Variants in SLC8A1 observed in about 807,000 individuals in gnomAD.
SLC8A1 encodes sodium/calcium exchanger 1.
SLC8A1 carries 18 observed loss-of-function variants against 68.3 expected under a neutral mutation model. The observed-to-expected ratio is 0.26, with a 90% confidence interval of 0.18 to 0.39. The LOEUF (loss-of-function observed/expected upper bound fraction) is 0.39, where lower values mean the gene tolerates loss of function less well. Among genes scored for constraint, SLC8A1 ranks in the 10% least tolerant of loss-of-function variants. The pLI is 1.00. For synonymous variants in SLC8A1, 475 were observed against 415.5 expected (o/e 1.14, Z -1.74); for missense variants, 985 against 1,156.7 (o/e 0.85, Z 2.15).
intron 7 of SLC8A1, among the ~76,000 whole-genome samples, chr2:40,127,638 G>T (rs2038420516): frequency 6.6e-6 from 1 of 152,144 alleles, no homozygotes; most frequent in Admixed American, 6.6e-5. Flanking sequence ...ATTTTAGTCT[G>T]GAGCTACAGC....
exon 8 of SLC8A1, chr2:40,107,683 A>G (rs1361473973): frequency 1.3e-5 from 2 of 152,190 alleles, no homozygotes; most frequent in African/African-American, 4.8e-5. Context: ...ATGCCTCTCC[A>G]ACTCTTTCTC....
chr2:40,381,502 G>A (rs148435500), intron 2 of SLC8A1, among the ~76,000 whole-genome samples: 29 of 151,518 alleles, frequency 1.9e-4, no homozygotes, highest in Non-Finnish European at 2.7e-4. Context: ...TCTTCACTTC[G>A]TCAAAATTTT....
chr2:40,242,039 AAAAT>A (rs1355931731), intron 2 of SLC8A1, among the ~76,000 whole-genome samples: 3 of 152,172 alleles, frequency 2.0e-5, no homozygotes, highest in Admixed American at 6.5e-5. Flanking sequence ...AGATCTCCAG[AAAAT>A]AAATATTGAT....
chr2:40,250,748 G>A lies in SLC8A1; in HGVS notation c.1809-72893C>T, dbSNP rs913029213. On this transcript the variant is annotated intron_variant, in intron 2 of 7. Transcript: ENST00000406785. ...CCATGAGTTATGTTAAATGTGCCTT[G>A]TGTTCCACTGGTTTAGAATTTGGGG... Among the ~76,000 whole-genome samples, 14 of 152,132 alleles carry A rather than the reference G, an allele frequency of 9.2e-5. 1 individual carries two copies. Among genetic ancestry groups the A allele is most frequent in the African/African-American group, 2.4e-5 (1 of 41,428 alleles).
intron 1 of SLC8A1, among the ~76,000 whole-genome samples, chr2:40,503,262 C>A (rs962665089): frequency 2.0e-5 from 3 of 152,006 alleles, no homozygotes; most frequent in African/African-American, 7.2e-5. Flanking sequence ...CTCCCTCAAC[C>A]CACATCTCTA....
At chr2:40,421,371 C>T (rs1407644763) in intron 2 of SLC8A1, among the ~76,000 whole-genome samples, 1 of 152,172 alleles carries the variant, frequency 6.6e-6, no homozygotes, top group Non-Finnish European at 1.5e-5. Flanking sequence ...TTTAGCGATC[C>T]TCCTAAGCCC....
chr2:40,283,298 A>C (rs1323810357), intron 2 of SLC8A1, among the ~76,000 whole-genome samples: 1 of 152,230 alleles, frequency 6.6e-6, no homozygotes, highest in African/African-American at 2.4e-5. Context: ...TAAGAGCCTG[A>C]TGCTATTATT....
chr2:40,177,707 GAA>G, intron 3 of SLC8A1: 1 of 1,178,972 alleles, frequency 8.5e-7, no homozygotes, highest in Admixed American at 2.0e-5. Context: ...CACGGAGAGA[GAA>G]GAGTACAATT....
At chr2:40,218,772 G>T (rs960604678) in intron 2 of SLC8A1, among the ~76,000 whole-genome samples, 6 of 151,672 alleles carry the variant, frequency 4.0e-5, no homozygotes, top group Admixed American at 1.3e-4. Context: ...GAGATTGGTA[G>T]ACCTGTTTCT....
intron 2 of SLC8A1, among the ~76,000 whole-genome samples, chr2:40,348,108 C>T (rs1575591976): frequency 6.6e-6 from 1 of 152,066 alleles, no homozygotes; most frequent in Admixed American, 6.6e-5. Context: ...TTTACATGGG[C>T]TGAAATGTTT....
chr2:40,440,000 A>G (rs1021715337), intron 1 of SLC8A1, among the ~76,000 whole-genome samples: 3 of 152,138 alleles, frequency 2.0e-5, no homozygotes, highest in African/African-American at 7.2e-5. Context: ...AATACACTTT[A>G]AAAATGAAAC....
At chr2:40,245,099 A>G (rs980317396) in intron 2 of SLC8A1, among the ~76,000 whole-genome samples, 17 of 152,238 alleles carry the variant, frequency 1.1e-4, no homozygotes, top group African/African-American at 4.1e-4. Context: ...GATATGTACC[A>G]TATGTGATAG....
intron 2 of SLC8A1, among the ~76,000 whole-genome samples, chr2:40,414,138 A>C (rs1392102045): frequency 6.6e-6 from 1 of 152,200 alleles, no homozygotes. Context: ...ATTTTATGAA[A>C]TGAAACATGA....
At chr2:40,273,003 C>T (rs2066240329) in intron 2 of SLC8A1, among the ~76,000 whole-genome samples, 1 of 152,186 alleles carries the variant, frequency 6.6e-6, no homozygotes, top group Admixed American at 6.5e-5. Flanking sequence ...AGTGCATTGG[C>T]AGGATCTAGG....
intron 2 of SLC8A1, among the ~76,000 whole-genome samples, chr2:40,197,933 G>A (rs1036781496): frequency 6.9e-6 from 1 of 144,722 alleles, no homozygotes; most frequent in Non-Finnish European, 1.5e-5. Context: ...TAGCTTTTGT[G>A]GAAAGAAAGC....
intron 1 of SLC8A1, among the ~76,000 whole-genome samples, chr2:40,457,179 G>A (rs1479859085): frequency 6.6e-6 from 1 of 152,024 alleles, no homozygotes; most frequent in Non-Finnish European, 1.5e-5. Context: ...TTTTTCTGTA[G>A]GGCGTAAACT....
chr2:40,395,796 T>C (rs1382219273), intron 2 of SLC8A1, among the ~76,000 whole-genome samples: 1 of 152,104 alleles, frequency 6.6e-6, no homozygotes, highest in Non-Finnish European at 1.5e-5. Flanking sequence ...CCAAAGGCTT[T>C]ACAGAATTAG....
At chr2:40,455,887 G>A (rs997443308), upstream of SLC8A1, among the ~76,000 whole-genome samples, 1 of 152,116 alleles carries the variant, frequency 6.6e-6, no homozygotes, top group Admixed American at 6.5e-5. Flanking sequence ...AGCCTTCCTG[G>A]CAGACTCACA....
intron 2 of SLC8A1, among the ~76,000 whole-genome samples, chr2:40,321,063 C>T (rs542884603): frequency 2.0e-5 from 3 of 152,156 alleles, no homozygotes; most frequent in East Asian, 1.9e-4. Flanking sequence ...ACCCTTTGTT[C>T]GATTTGGCTC....
Sources: gnomAD v4.1 joint callset for allele counts (sites outside exome capture counted in the v4.1 genomes callset) on GRCh38, gnomAD v4.1.1 for gene constraint, MANE v1.5 for transcripts, NCBI Gene and HGNC (gene_info 2026-07-23, HGNC 2026-07-21) for gene names.